The following DMD variants were observed in gnomAD, a reference collection of about 807,000 sequenced individuals.
DMD encodes dystrophin.
In DMD, 63 loss-of-function variants were observed where a neutral mutation model predicts 330.1. The ratio of observed to expected loss-of-function variants is 0.19; its 90% CI spans 0.16 to 0.24. The LOEUF (loss-of-function observed/expected upper bound fraction) is 0.24, where lower values mean the gene tolerates loss of function less well. DMD is among the 10% of genes least tolerant of loss of function. The pLI, the probability that DMD is intolerant of heterozygous loss-of-function variation, is 1.00. For synonymous variants in DMD, 1,223 were observed against 959.8 expected (o/e 1.27, Z -5.07); for missense variants, 3,344 against 2,684.1 (o/e 1.25, Z -5.43).
At chrX:32,347,003 AGTATTT>A (rs761125911) in intron 38 of DMD, among the ~76,000 whole-genome samples, 9 of 111,738 alleles carry the variant, frequency 8.1e-5, no homozygotes, top group African/African-American at 2.6e-4. Context: ...AAAAGTCACA[AGTATTT>A]GTATGTGTGT....
In DMD at chrX:32,927,742, T is replaced by G. The variant is rs2089195801; in HGVS notation, c.94-77922A>C. Among the ~76,000 whole-genome samples the G allele has an allele frequency of 2.7e-5, 3 of 111,407 alleles. No individual in the cohort carries two copies. In the Admixed American group the frequency reaches 2.9e-4, roughly 11 times the overall value. ...ATTCTGTATTAATCTTTCTAAAAAT[T>G]TGCTCTTATGTTCTTCTGGAACATT... On this transcript the variant is annotated intron_variant, in intron 2 of 78. Coordinates refer to ENST00000357033, the MANE Select transcript of DMD (RefSeq NM_004006.3).
chrX:32,944,656 G>A (rs953912578), intron 2 of DMD, among the ~76,000 whole-genome samples: 21 of 106,624 alleles, frequency 2.0e-4, no homozygotes, highest in Non-Finnish European at 9.6e-5. Context: ...CCAGGCTGGA[G>A]TGCAGTGGCG....
At chrX:31,196,486 A>G (rs1237872910) in intron 67 of DMD, among the ~76,000 whole-genome samples, 6 of 111,151 alleles carry the variant, frequency 5.4e-5, no homozygotes, top group Non-Finnish European at 1.1e-4. Context: ...AACCTAAGTG[A>G]AGGAGGGTTT....
rs970867449 is a variant in DMD, at chrX:32,705,714, C to T, written c.650-6421G>A. Among the ~76,000 whole-genome samples, 8 of 111,835 alleles carry T rather than the reference C, an allele frequency of 7.2e-5. No homozygotes were observed. The South Asian group carries it at 1.5e-3, about 21-fold the overall frequency. ...TGTTGTTTCCTGACTTTTTAATGAT[C>T]GCCATTCTAACTGGTGTGAGATGGT... On this transcript the variant is annotated intron_variant, in intron 7 of 78. Transcript: ENST00000357033.
chrX:31,189,648 G>T (rs2042126998), intron 67 of DMD, among the ~76,000 whole-genome samples: 1 of 111,862 alleles, frequency 8.9e-6, no homozygotes, highest in Admixed American at 9.5e-5. Flanking sequence ...TTCCTAAATT[G>T]CAGATTAATT....
intron 4 of DMD, among the ~76,000 whole-genome samples, chrX:32,828,643 A>G (rs1267427735): frequency 9.0e-6 from 1 of 110,678 alleles, no homozygotes; most frequent in African/African-American, 3.3e-5. Context: ...ATATGTATAC[A>G]TCTATATACA....
At chrX:32,741,319 C>T (rs990425693) in intron 7 of DMD, among the ~76,000 whole-genome samples, 3 of 111,642 alleles carry the variant, frequency 2.7e-5, no homozygotes, top group South Asian at 3.8e-4. Flanking sequence ...AGTACCTAAA[C>T]ATGTACAATT....
intron 16 of DMD, among the ~76,000 whole-genome samples, chrX:32,558,521 T>G (rs2050584500): frequency 8.9e-6 from 1 of 111,773 alleles, no homozygotes; most frequent in African/African-American, 3.3e-5. Flanking sequence ...TACAGTGTAA[T>G]AATTTCATAA....
intron 44 of DMD, among the ~76,000 whole-genome samples, chrX:31,999,213 T>C (rs762658436): frequency 1.8e-5 from 2 of 111,785 alleles, no homozygotes; most frequent in Non-Finnish European, 3.8e-5. Context: ...AATTGAACAT[T>C]GAATTACTTG....
intron 2 of DMD, among the ~76,000 whole-genome samples, chrX:32,946,675 A>T (rs1303596865): frequency 8.9e-6 from 1 of 112,409 alleles, no homozygotes; most frequent in East Asian, 2.8e-4. Flanking sequence ...TGTTGCAAAC[A>T]TATGTTTATG....
At position 33,303,401 on chromosome X, in the gene DMD, C is replaced by T. The variant is rs1401997532; in HGVS notation, c.7+35858G>A. Among the ~76,000 whole-genome samples, 3 of 111,623 alleles carry T rather than the reference C, an allele frequency of 2.7e-5. No individual in the cohort carries two copies. The Admixed American group carries it at 2.9e-4, about 11-fold the overall frequency. Reference sequence around the variant, plus strand: ...AATAAAGCCAACATTCTTCTTTCCACCGAAGAGACTTACATATAATACAAA... The same window carrying T: ...AATAAAGCCAACATTCTTCTTTCCATCGAAGAGACTTACATATAATACAAA... On this transcript the variant is annotated intron_variant, in intron 1 of 17. Transcript: ENST00000288447.
chrX:33,076,672 G>A (rs1039626482), intron 1 of DMD, among the ~76,000 whole-genome samples: 1 of 111,866 alleles, frequency 8.9e-6, no homozygotes, highest in African/African-American at 3.2e-5. Flanking sequence ...AGAAGCTAAG[G>A]CTTTTGGTTA....
chrX:32,838,008 C>G (rs760475809), intron 4 of DMD, among the ~76,000 whole-genome samples: 1 of 111,935 alleles, frequency 8.9e-6, no homozygotes, highest in Non-Finnish European at 1.9e-5. Context: ...TGTTGAGATA[C>G]AGAAAATCAC....
chrX:32,718,683 A>T (rs1278760759), intron 7 of DMD, among the ~76,000 whole-genome samples: 3 of 112,129 alleles, frequency 2.7e-5, no homozygotes, highest in East Asian at 5.6e-4. Flanking sequence ...CCTGACTTTA[A>T]GAAAAGGAAG....
chrX:31,396,372 C>T (rs890578458), intron 60 of DMD, among the ~76,000 whole-genome samples: 7 of 110,302 alleles, frequency 6.3e-5, no homozygotes, highest in Non-Finnish European at 1.3e-4. Flanking sequence ...CTCCTGACCT[C>T]GTGATCCGCC....
intron 48 of DMD, among the ~76,000 whole-genome samples, chrX:31,874,510 C>A (rs1461058449): frequency 9.0e-6 from 1 of 111,430 alleles, no homozygotes; most frequent in Admixed American, 9.6e-5. Flanking sequence ...ATCACAGTAA[C>A]AAATATGATG....
chrX:32,672,141 A>T (rs1227646800), intron 9 of DMD, among the ~76,000 whole-genome samples: 1 of 111,522 alleles, frequency 9.0e-6, no homozygotes, highest in Non-Finnish European at 1.9e-5. Flanking sequence ...AATTTTGAAT[A>T]TATTAGTTGT....
chrX:33,266,136 T>C (rs1286654444), intron 1 of DMD, among the ~76,000 whole-genome samples: 2 of 111,536 alleles, frequency 1.8e-5, no homozygotes, highest in Non-Finnish European at 3.8e-5. Flanking sequence ...TTTATGTAGG[T>C]ATTGATTTCC....
At chrX:32,929,123 G>C (rs2089355040) in intron 2 of DMD, among the ~76,000 whole-genome samples, 1 of 111,278 alleles carries the variant, frequency 9.0e-6, no homozygotes, top group African/African-American at 3.3e-5. Context: ...GAGTCATGAA[G>C]AGCTGGTTTA....
Sources: gnomAD v4.1 joint callset for allele counts (sites outside exome capture counted in the v4.1 genomes callset) on GRCh38, gnomAD v4.1.1 for gene constraint, MANE v1.5 for transcripts, NCBI Gene and HGNC (gene_info 2026-07-23, HGNC 2026-07-21) for gene names.